Variants in TTC29 observed in about 807,000 individuals in gnomAD.
TTC29 encodes tetratricopeptide repeat domain 29.
A neutral mutation model predicts 58.1 loss-of-function variants in TTC29; 49 were observed. The ratio of observed to expected loss-of-function variants is 0.84; its 90% CI spans 0.67 to 1.07. TTC29 has a LOEUF of 1.07. Among genes scored for constraint, TTC29 ranks in the 50% least tolerant of loss-of-function variants. The probability of loss-of-function intolerance (pLI) is 0.00; values close to 1 mark genes in which losing one functional copy is unlikely to be tolerated. For missense variants in TTC29, 582 were observed against 555.6 expected (o/e 1.05, Z -0.48); for synonymous variants, 209 against 196.8 (o/e 1.06, Z -0.52).
chr4:146,881,538 A>G (rs1731625077), intron 6 of TTC29, among the ~76,000 whole-genome samples: 1 of 152,156 alleles, frequency 6.6e-6, no homozygotes, highest in South Asian at 2.1e-4. Flanking sequence ...AAAATCTGCT[A>G]GAAGCAATAT....
At chr4:146,829,593 C>T (rs1265099564) in intron 9 of TTC29, among the ~76,000 whole-genome samples, 1 of 152,124 alleles carries the variant, frequency 6.6e-6, no homozygotes, top group African/African-American at 2.4e-5. Flanking sequence ...TAGGAAACTT[C>T]ACATCAAAGC....
At chr4:146,708,314 A>ATATATATATATACATACATG (rs1742148609) in intron 11 of TTC29, among the ~76,000 whole-genome samples, 2 of 20,840 alleles carry the variant, frequency 9.6e-5, no homozygotes, top group African/African-American at 2.0e-4. Flanking sequence ...AAGTTTATAT[A>ATATATATATATACATACATG]TATATATATA....
chr4:146,828,083 G>GCAT (rs1257052697), intron 9 of TTC29, among the ~76,000 whole-genome samples: 1 of 149,642 alleles, frequency 6.7e-6, no homozygotes, highest in Non-Finnish European at 1.5e-5. Context: ...CTGCAGCTGT[G>GCAT]AATACTTTTT....
At chr4:146,891,655 T>G (rs1225764283) in intron 6 of TTC29, among the ~76,000 whole-genome samples, 1 of 152,018 alleles carries the variant, frequency 6.6e-6, no homozygotes, top group African/African-American at 2.4e-5. Flanking sequence ...TACAGGGACT[T>G]TTGATGTTGA....
At chr4:146,938,239 C>A (rs1580033385) in intron 3 of TTC29, among the ~76,000 whole-genome samples, 1 of 152,188 alleles carries the variant, frequency 6.6e-6, no homozygotes, top group Non-Finnish European at 1.5e-5. Context: ...TCTTCACACC[C>A]TTTTGCACCT....
chr4:146,901,913 C>A (rs1016270147), intron 6 of TTC29, among the ~76,000 whole-genome samples: 1 of 152,132 alleles, frequency 6.6e-6, no homozygotes, highest in Non-Finnish European at 1.5e-5. Flanking sequence ...ATTCTGCTAT[C>A]CCCTGACACT....
At chr4:146,732,976 T>C (rs1744449870) in intron 11 of TTC29, among the ~76,000 whole-genome samples, 1 of 152,146 alleles carries the variant, frequency 6.6e-6, no homozygotes, top group Admixed American at 6.6e-5. Flanking sequence ...AACGGCATCC[T>C]TGGGGGACAA....
intron 8 of TTC29, among the ~76,000 whole-genome samples, chr4:146,840,808 T>A (rs192575279): frequency 3.3e-5 from 5 of 152,246 alleles, no homozygotes; most frequent in Non-Finnish European, 7.4e-5. Flanking sequence ...ACTCTATCTG[T>A]ATTTTAAAGG....
chr4:146,869,482 CTT>C (rs2150213256), intron 7 of TTC29, among the ~76,000 whole-genome samples: 1 of 152,198 alleles, frequency 6.6e-6, no homozygotes, highest in African/African-American at 2.4e-5. Flanking sequence ...TGGGCCCTAA[CTT>C]TTTCTCTGGT....
At chr4:146,867,747 A>G (rs1730661025) in intron 7 of TTC29, among the ~76,000 whole-genome samples, 164 bp from the exon 8 acceptor site, 1 of 152,150 alleles carries the variant, frequency 6.6e-6, no homozygotes, top group African/African-American at 2.4e-5. Context: ...AGGCTGATGT[A>G]AACACAATTT....
intron 8 of TTC29, among the ~76,000 whole-genome samples, chr4:146,861,422 G>A (rs984551588): frequency 7.2e-5 from 11 of 152,118 alleles, no homozygotes; most frequent in African/African-American, 2.4e-4. Flanking sequence ...CATTCTCCTC[G>A]TTAAATGTCA....
intron 2 of TTC29, chr4:146,942,989 C>T (rs1007222756): frequency 9.5e-5 from 17 of 178,226 alleles, no homozygotes; most frequent in African/African-American, 4.0e-4. Context: ...ATAGCTCATC[C>T]AGGTGCGTAT....
intron 11 of TTC29, among the ~76,000 whole-genome samples, chr4:146,786,017 A>AC (rs1748986749): frequency 5.3e-5 from 8 of 151,968 alleles, no homozygotes; most frequent in African/African-American, 1.4e-4. Flanking sequence ...ACACTCACAC[A>AC]CCTACAACTG....
rs571255970 is a variant in TTC29, at chr4:146,937,930, T to G, written c.93-253A>C. 1.5e-3 allele frequency among the ~76,000 whole-genome samples: 223 copies of G among 152,276 alleles called. 2 individuals carry two copies. Among genetic ancestry groups the G allele is most frequent in the East Asian group, 2.3e-3 (12 of 5,186 alleles). On this transcript the variant is annotated intron_variant, in intron 3 of 12. Transcript: ENST00000325106. The stretch of plus-strand genomic sequence containing the variant: ...ACCAACACCTTGAAATAATTCACTT[T>G]CTACTCAAGAGTCTTCTCAAAGCTT...
At chr4:146,936,556 C>G (rs917834748) in intron 4 of TTC29, among the ~76,000 whole-genome samples, 3 of 152,092 alleles carry the variant, frequency 2.0e-5, no homozygotes, top group African/African-American at 7.2e-5. Flanking sequence ...AAAAATCCCA[C>G]GTACCATATA....
At chr4:146,816,130 A>C (rs1751388226) in intron 10 of TTC29, among the ~76,000 whole-genome samples, 1 of 151,978 alleles carries the variant, frequency 6.6e-6, no homozygotes, top group Admixed American at 6.5e-5. Context: ...CCAGAAGTTA[A>C]ATTTCATCAG....
intron 11 of TTC29, among the ~76,000 whole-genome samples, chr4:146,736,439 T>A (rs1230584405): frequency 1.3e-5 from 2 of 152,164 alleles, no homozygotes; most frequent in Non-Finnish European, 2.9e-5. Flanking sequence ...TTATCTTTAC[T>A]TACTAACATA....
rs1386074458 is a variant in TTC29 at position 146,820,155 on chromosome 4, A to G, written c.1071T>C (p.Ser357=). 6.2e-7 allele frequency: 1 copy of G among 1,613,306 alleles called. No homozygotes were observed. The highest frequency in any genetic ancestry group is 8.5e-7 in the Non-Finnish European group (1 of 1,179,762). The change falls in exon 10 of 13, where the codon AGT becomes AGC. Residue 357 remains serine (S), a synonymous_variant. Coordinates refer to ENST00000325106, the MANE Select transcript of TTC29 (RefSeq NM_031956.4). ...NFQSLDLVRA[S]TMLGDIYNEK... ...CATTGTAGATGTCCCCAAGCATTGT[A>G]CTTGCTCTCACCAAATCTAGGCTTT...
intron 8 of TTC29, among the ~76,000 whole-genome samples, chr4:146,847,188 G>A (rs1326129985): frequency 6.6e-6 from 1 of 152,178 alleles, no homozygotes; most frequent in Non-Finnish European, 1.5e-5. Flanking sequence ...TTATCAAGTA[G>A]GTTATAACAA....
Sources: gnomAD v4.1 joint callset for allele counts (sites outside exome capture counted in the v4.1 genomes callset) on GRCh38, gnomAD v4.1.1 for gene constraint, MANE v1.5 for transcripts, NCBI Gene and HGNC (gene_info 2026-07-23, HGNC 2026-07-21) for gene names.